Variants in IPO9 observed in about 807,000 individuals in gnomAD.
IPO9 encodes the protein importin 9, also known as importin-9.
Under a neutral mutation model 128.6 loss-of-function variants are expected in IPO9, and 28 were observed. That is an observed-to-expected ratio of 0.22 (90% CI 0.16 to 0.30). IPO9 has a LOEUF of 0.30. Ranked by LOEUF, IPO9 falls within the 10% of genes least tolerant of loss-of-function variation. The pLI, the probability that IPO9 is intolerant of heterozygous loss-of-function variation, is 1.00. For synonymous variants in IPO9, 455 were observed against 475.8 expected (o/e 0.96, Z 0.57); for missense variants, 935 against 1,293.9 (o/e 0.72, Z 4.26).
At chr1:201,852,890 G>T in intron 5 of IPO9, 121 bp from the exon 6 acceptor site, 1 of 731,522 alleles carries the variant, frequency 1.4e-6, no homozygotes. Flanking sequence ...CCCATTTCTC[G>T]AGGGCATCCA....
Position 201,870,429 on chromosome 1 carries a change from T to G in IPO9, c.2134-154T>G, listed in dbSNP as rs1461407909. 2.0e-5 allele frequency among the ~76,000 whole-genome samples: 3 copies of G among 152,194 alleles called. No homozygotes were observed. The highest frequency in any genetic ancestry group is 4.8e-5 in the African/African-American group (2 of 41,436). On this transcript the variant is annotated intron_variant, in intron 17 of 23. Coordinates refer to ENST00000361565, the MANE Select transcript of IPO9 (RefSeq NM_018085.5). This position sits in a 1 kb window ranked among gnomAD's most constrained non-coding sequence, Gnocchi z 4.9. ...ACGTCTATGTCTGTAACAGTAAATG[T>G]CTTAACTCCAGTGGTATGAGCCCAC...
rs769849297 is a variant in IPO9, at chr1:201,871,285, G to A, written c.2534G>A (p.Ser845Asn). 4 of 1,601,796 alleles carry A rather than the reference G, an allele frequency of 2.5e-6. No individual in the cohort carries two copies. The highest frequency in any genetic ancestry group is 3.4e-6 in the Non-Finnish European group (4 of 1,172,880). The change falls in exon 19 of 24, where the codon AGC (serine) becomes AAC (asparagine). Residue 845 changes from serine (S) to asparagine (N), a missense_variant. Physicochemically the swap from Ser to Asn is conservative, Grantham distance 46. This residue lies in a region of IPO9 where 188 missense variants were observed against 246.7 expected (regional missense o/e 0.76). Coordinates refer to ENST00000361565, the MANE Select transcript of IPO9 (RefSeq NM_018085.5). ...GAGTTTGTGATGGCTGAGTGGACAA[G>A]CCGACAGCACCTGTTCTATGGACAG... ...ALEFVMAEWT[S>N]RQHLFYGQYE... is the part of the protein sequence containing the mutation.
chr1:201,848,407 C>T lies in IPO9; in HGVS notation c.327C>T (p.Ile109=), dbSNP rs1259577538. 1 of 1,613,988 alleles carries T rather than the reference C, an allele frequency of 6.2e-7. No individual in the cohort carries two copies. The highest frequency in any genetic ancestry group is 8.5e-7 in the Non-Finnish European group (1 of 1,180,002). Reference sequence around the variant, plus strand: ...ATCCCTTACAGGCAAAAATTGTTATCCGGGAGCTATTGCCTAATGGGTTGA... The same window carrying T: ...ATCCCTTACAGGCAAAAATTGTTATTCGGGAGCTATTGCCTAATGGGTTGA... The part of the protein sequence containing the change: ...PETTERAKIV[I]RELLPNGLRE... The change falls in exon 4 of 24, where the codon ATC becomes ATT. Residue 109 remains isoleucine (I), a synonymous_variant. Transcript: ENST00000361565.
intron 10 of IPO9, among the ~76,000 whole-genome samples, chr1:201,856,713 G>T (rs1680334686): frequency 6.6e-6 from 1 of 152,084 alleles, no homozygotes; most frequent in Admixed American, 6.5e-5. Flanking sequence ...TTGGGACAGG[G>T]TCTTGCTGTT....
chr1:201,864,967 A>G (rs892432403), intron 14 of IPO9, among the ~76,000 whole-genome samples: 17 of 152,310 alleles, frequency 1.1e-4, no homozygotes, highest in African/African-American at 4.1e-4. Flanking sequence ...AAAGCTGTGG[A>G]TATGTGGGCC....
rs1485152512 is a variant in IPO9, at chr1:201,855,816, G to A, written c.1004G>A (p.Ser335Asn). The change falls in exon 10 of 24, where the codon AGC becomes AAC. Residue 335 changes from serine to asparagine, a missense_variant. Coordinates refer to ENST00000361565, the MANE Select transcript of IPO9 (RefSeq NM_018085.5). ...CTGGGCTTTGAAAATCTCGTCTTTA[G>A]CATTTTTGAATTTGTCCATGCTCTA... is the stretch of plus-strand genomic sequence containing the variant. ...EVLGFENLVF[S>N]IFEFVHALLE... 1 of 1,610,840 alleles carries A rather than the reference G, an allele frequency of 6.2e-7. No homozygotes were observed. Among genetic ancestry groups the A allele is most frequent in the Admixed American group, 1.7e-5 (1 of 59,074 alleles).
At chr1:201,855,722 G>A (rs1680317388) in intron 9 of IPO9, 61 bp from the exon 10 acceptor site, 2 of 1,421,092 alleles carry the variant, frequency 1.4e-6, no homozygotes, top group Admixed American at 4.2e-5. Flanking sequence ...TTCATTTTCT[G>A]CATATATGCT....
At chr1:201,841,786 A>G (rs1395116039) in intron 1 of IPO9, among the ~76,000 whole-genome samples, 1 of 152,236 alleles carries the variant, frequency 6.6e-6, no homozygotes, top group African/African-American at 2.4e-5. Flanking sequence ...CAAAGCTGGA[A>G]CAATTTGAGC....
At position 201,874,944 on chromosome 1, in the gene IPO9, G is replaced by A; in HGVS notation, c.2938+8G>A. ...TTGCTACAAGTAAATATGGTAAGCT[G>A]TTTGATAAGAGGACAGCCATGGTAA... On this transcript the variant is annotated splice_region_variant and intron_variant, in intron 22 of 23. Transcript: ENST00000361565. The A allele has an allele frequency of 6.3e-7, 1 of 1,587,240 alleles. No individual in the cohort carries two copies. The highest frequency in any genetic ancestry group is 8.7e-7 in the Non-Finnish European group (1 of 1,155,522).
intron 20 of IPO9, 133 bp downstream of exon 20, chr1:201,873,094 C>T (rs1169121012): frequency 1.9e-6 from 2 of 1,077,030 alleles, no homozygotes; most frequent in East Asian, 5.6e-5. Context: ...AAAGAAGAAG[C>T]AGGAAACTTA....
At chr1:201,875,615 A>AAAAAAATCC (rs1680747102) in intron 23 of IPO9, among the ~76,000 whole-genome samples, 1 of 152,004 alleles carries the variant, frequency 6.6e-6, no homozygotes, top group Non-Finnish European at 1.5e-5. Flanking sequence ...ATCCATTTAT[A>AAAAAAATCC]ATTTAACATG....
chr1:201,835,358 G>A (rs902501915), intron 1 of IPO9, among the ~76,000 whole-genome samples: 1 of 152,130 alleles, frequency 6.6e-6, no homozygotes, highest in Non-Finnish European at 1.5e-5. Flanking sequence ...TGCCATATGG[G>A]GTGATAAGAG....
At chr1:201,834,351 G>T (rs192033439) in intron 1 of IPO9, among the ~76,000 whole-genome samples, 1 of 151,932 alleles carries the variant, frequency 6.6e-6, no homozygotes, top group African/African-American at 2.4e-5. Flanking sequence ...GATCTCTTAC[G>T]TCAAAGTCTC....
chr1:201,867,691 T>G (rs1680578727), intron 15 of IPO9, among the ~76,000 whole-genome samples: 1 of 151,528 alleles, frequency 6.6e-6, no homozygotes, highest in African/African-American at 2.4e-5. Flanking sequence ...CATTTTAAGT[T>G]TTTTTTTTCC....
chr1:201,831,924 C>G (rs1350247531), intron 1 of IPO9, among the ~76,000 whole-genome samples: 1 of 151,192 alleles, frequency 6.6e-6, no homozygotes, highest in Non-Finnish European at 1.5e-5. Flanking sequence ...TGTTTTGAGA[C>G]AGAGTCTCAG....
intron 14 of IPO9, among the ~76,000 whole-genome samples, chr1:201,864,431 C>T (rs1258577636): frequency 6.6e-6 from 1 of 152,190 alleles, no homozygotes; most frequent in East Asian, 1.9e-4. Context: ...TTTCAGAAAG[C>T]TCTAACACCA....
intron 1 of IPO9, among the ~76,000 whole-genome samples, chr1:201,839,059 A>G (rs1193571843): frequency 6.9e-6 from 1 of 144,306 alleles, no homozygotes; most frequent in Non-Finnish European, 1.5e-5. Flanking sequence ...AGCTGGGACT[A>G]CAGGCGCCCG....
intron 1 of IPO9, among the ~76,000 whole-genome samples, chr1:201,838,863 T>A (rs1679986371): frequency 6.6e-6 from 1 of 151,764 alleles, no homozygotes; most frequent in African/African-American, 2.4e-5. Flanking sequence ...AAAACCAATT[T>A]ACAGTATCAA....
intron 1 of IPO9, among the ~76,000 whole-genome samples, chr1:201,832,426 T>C (rs1026116810): frequency 6.6e-6 from 1 of 152,086 alleles, no homozygotes; most frequent in African/African-American, 2.4e-5. Context: ...GCCTGGCTAA[T>C]TTTTGTATTT....
Sources: gnomAD v4.1 joint callset for allele counts (sites outside exome capture counted in the v4.1 genomes callset) on GRCh38, gnomAD v4.1.1 for gene constraint, gnomAD v4.1.1 regional missense constraint, Gnocchi (gnomAD v3.1) non-coding constraint, MANE v1.5 for transcripts, NCBI Gene and HGNC (gene_info 2026-07-23, HGNC 2026-07-21) for gene names.